The following EFCAB6 variants were observed in gnomAD, a reference collection of about 807,000 sequenced individuals.
EFCAB6 encodes EF-hand calcium binding domain 6, also known as EF-hand calcium-binding domain-containing protein 6.
Under a neutral mutation model 169.8 loss-of-function variants are expected in EFCAB6, and 156 were observed. That is an observed-to-expected ratio of 0.92 (90% CI 0.81 to 1.05). The LOEUF (loss-of-function observed/expected upper bound fraction) is 1.05, where lower values mean the gene tolerates loss of function less well. Ranked by LOEUF, EFCAB6 falls within the 50% of genes least tolerant of loss-of-function variation. The pLI is 0.00. For synonymous variants in EFCAB6, 698 were observed against 676.4 expected (o/e 1.03, Z -0.50); for missense variants, 1,800 against 1,829.1 (o/e 0.98, Z 0.29).
At chr22:43,573,424 C>T (rs1365894458) in intron 26 of EFCAB6, among the ~76,000 whole-genome samples, 1 of 151,746 alleles carries the variant, frequency 6.6e-6, no homozygotes, top group African/African-American at 2.4e-5. Context: ...AGCCCCACTC[C>T]TAGAGGACAT....
intron 6 of EFCAB6, among the ~76,000 whole-genome samples, chr22:43,750,282 C>A (rs1035588889): frequency 5.3e-5 from 8 of 152,108 alleles, no homozygotes; most frequent in Admixed American, 2.0e-4. Context: ...AAAATGCCAA[C>A]GGATTATTTT....
chr22:43,755,502 C>T (rs1432244800), intron 6 of EFCAB6, among the ~76,000 whole-genome samples: 2 of 152,230 alleles, frequency 1.3e-5, no homozygotes, highest in Non-Finnish European at 2.9e-5. Context: ...TAATAATGAT[C>T]TAAAGTTAAT....
chr22:43,592,866 A>C (rs1447107607), intron 23 of EFCAB6, among the ~76,000 whole-genome samples: 1 of 152,216 alleles, frequency 6.6e-6, no homozygotes, highest in East Asian at 1.9e-4. Context: ...TTCAACTCAG[A>C]CTCAAGCAAA....
At chr22:43,771,810 T>C (rs906692604) in intron 4 of EFCAB6, among the ~76,000 whole-genome samples, 14 of 152,142 alleles carry the variant, frequency 9.2e-5, no homozygotes, top group Admixed American at 2.0e-4. Flanking sequence ...CTAGGATAAA[T>C]GTCGAACTGT....
At chr22:43,530,334 G>C (rs956125957) in intron 31 of EFCAB6, among the ~76,000 whole-genome samples, 4 of 152,250 alleles carry the variant, frequency 2.6e-5, no homozygotes, top group Non-Finnish European at 1.5e-5. Context: ...GGCTCTGGGG[G>C]TGGGACATGG....
chr22:43,660,622 C>A (rs929751561), intron 17 of EFCAB6, among the ~76,000 whole-genome samples: 2 of 152,028 alleles, frequency 1.3e-5, no homozygotes, highest in South Asian at 4.1e-4. Context: ...ATAACACAGT[C>A]CTGGTCAATA....
chr22:43,743,197 A>G (rs1468808661), intron 6 of EFCAB6, among the ~76,000 whole-genome samples: 1 of 152,262 alleles, frequency 6.6e-6, no homozygotes, highest in East Asian at 1.9e-4. Context: ...AAATGTTACT[A>G]GAAGAAGCAG....
At chr22:43,698,649 T>C (rs2147249471) in intron 10 of EFCAB6, among the ~76,000 whole-genome samples, 1 of 152,244 alleles carries the variant, frequency 6.6e-6, no homozygotes, top group Admixed American at 6.5e-5. Flanking sequence ...TCCTGTGAAG[T>C]TAGGGTGCTG....
intron 8 of EFCAB6, among the ~76,000 whole-genome samples, chr22:43,720,404 C>A (rs185203824): frequency 6.6e-6 from 1 of 151,424 alleles, no homozygotes; most frequent in South Asian, 2.1e-4. Flanking sequence ...CCAAGCTACT[C>A]GGGAGGCTGA....
At chr22:43,763,578 G>T (rs1177461683) in intron 5 of EFCAB6, among the ~76,000 whole-genome samples, 2 of 152,128 alleles carry the variant, frequency 1.3e-5, no homozygotes, top group East Asian at 3.9e-4. Context: ...CATGATACCA[G>T]AATTTTCTAA....
intron 16 of EFCAB6, 140 bp downstream of exon 16, chr22:43,668,732 A>C (rs890724374): frequency 2.7e-6 from 2 of 750,792 alleles, no homozygotes; most frequent in Admixed American, 4.1e-5. Context: ...CCTGACTCTA[A>C]TTACTGTCTT....
At chr22:43,547,595 C>T (rs1340428783) in intron 27 of EFCAB6, among the ~76,000 whole-genome samples, 1 of 151,814 alleles carries the variant, frequency 6.6e-6, no homozygotes, top group Non-Finnish European at 1.5e-5. Flanking sequence ...AACCAATCAA[C>T]CAACCAACAA....
chr22:43,697,944 A>G (rs572281136), intron 10 of EFCAB6, among the ~76,000 whole-genome samples: 2 of 152,288 alleles, frequency 1.3e-5, no homozygotes, highest in African/African-American at 2.4e-5. Context: ...GGGACTGATC[A>G]TATCGGTCAT....
chr22:43,749,556 T>C (rs1031367186), intron 6 of EFCAB6, among the ~76,000 whole-genome samples: 5 of 152,148 alleles, frequency 3.3e-5, no homozygotes, highest in Admixed American at 3.3e-4. Context: ...GATCCTCGCA[T>C]GCGCAGTTCA....
chr22:43,769,263 T>C (rs543243419), intron 4 of EFCAB6, among the ~76,000 whole-genome samples: 1 of 152,200 alleles, frequency 6.6e-6, no homozygotes, highest in African/African-American at 2.4e-5. Context: ...TCCATTGATA[T>C]GAAATATCCA....
At chr22:43,697,589 AAATC>A (rs1443520098) in intron 10 of EFCAB6, among the ~76,000 whole-genome samples, 1 of 152,204 alleles carries the variant, frequency 6.6e-6, no homozygotes, top group African/African-American at 2.4e-5. Flanking sequence ...CAAAAATAAA[AAATC>A]AGCAGGTAAT....
At chr22:43,633,796 T>TCTGCCTCAC (rs1283115894) in intron 18 of EFCAB6, among the ~76,000 whole-genome samples, 1 of 152,156 alleles carries the variant, frequency 6.6e-6, no homozygotes, top group Non-Finnish European at 1.5e-5. Flanking sequence ...GAGCCTGGCT[T>TCTGCCTCAC]CTGCCTCACC....
rs182774667 is a variant in EFCAB6, at chr22:43,554,809, G to A, written c.3648+60C>T. ...TCTTAAACTCTGTACATTCTGGCCA[G>A]GGACCAGGCTGACGCTCAGCCAACG... On this transcript the variant is annotated intron_variant, in intron 27 of 31. Transcript: ENST00000262726. 8.0e-4 allele frequency: 1,162 copies of A among 1,447,548 alleles called. 2 individuals are homozygous for A. Among genetic ancestry groups the A allele is most frequent in the Non-Finnish European group, 1.0e-3 (1,058 of 1,031,528 alleles). 89.7% of individuals were successfully genotyped at this position (1,447,548 alleles called of 1,614,324 possible).
chr22:43,749,938 GAA>G (rs897193853), intron 6 of EFCAB6, among the ~76,000 whole-genome samples: 3 of 152,144 alleles, frequency 2.0e-5, no homozygotes, highest in African/African-American at 7.2e-5. Flanking sequence ...CACAGATGGG[GAA>G]AGTCTCGAAA....
Sources: gnomAD v4.1 joint callset for allele counts (sites outside exome capture counted in the v4.1 genomes callset) on GRCh38, gnomAD v4.1.1 for gene constraint, MANE v1.5 for transcripts, NCBI Gene and HGNC (gene_info 2026-07-23, HGNC 2026-07-21) for gene names.